Variants in CDH12 observed in about 807,000 individuals in gnomAD.
The protein encoded by CDH12 is cadherin 12, also known as cadherin-12.
Under a neutral mutation model 74.1 loss-of-function variants are expected in CDH12, and 41 were observed. That is an observed-to-expected ratio of 0.55 (90% CI 0.43 to 0.72). The LOEUF is 0.72. Among genes scored for constraint, CDH12 ranks in the 30% least tolerant of loss-of-function variants. The pLI, the probability that CDH12 is intolerant of heterozygous loss-of-function variation, is 0.00. For synonymous variants in CDH12, 399 were observed against 355.0 expected (o/e 1.12, Z -1.39); for missense variants, 945 against 977.2 (o/e 0.97, Z 0.44).
chr5:22,607,729 G>A (rs1056711844), intron 1 of CDH12, among the ~76,000 whole-genome samples: 3 of 152,194 alleles, frequency 2.0e-5, no homozygotes, highest in Non-Finnish European at 2.9e-5. Flanking sequence ...CTTCTGCTGT[G>A]TGCAGCCTCC....
chr5:22,339,018 A>G (rs1454737320), intron 3 of CDH12, among the ~76,000 whole-genome samples: 2 of 152,198 alleles, frequency 1.3e-5, no homozygotes, highest in African/African-American at 4.8e-5. Flanking sequence ...GAGGACTTAG[A>G]GTTCTATAAA....
At chr5:21,956,303 AAG>A (rs1756094064) in intron 6 of CDH12, among the ~76,000 whole-genome samples, 1 of 152,014 alleles carries the variant, frequency 6.6e-6, no homozygotes, top group Admixed American at 6.6e-5. Flanking sequence ...AGGGCACAAA[AAG>A]AAATGAGTAA....
chr5:22,693,169 A>G (rs1742173574), intron 1 of CDH12, among the ~76,000 whole-genome samples: 1 of 152,168 alleles, frequency 6.6e-6, no homozygotes, highest in African/African-American at 2.4e-5. Context: ...TTTTCTTCTC[A>G]GAATTTGCAC....
At position 22,712,499 on chromosome 5, in the gene CDH12, A is replaced by G. The variant is rs1050541596; in HGVS notation, c.-523+140559T>C. Among the ~76,000 whole-genome samples the G allele has an allele frequency of 1.7e-3, 3 of 1,786 alleles. No homozygotes were observed. The South Asian group carries it at 0.3, about 179-fold the overall frequency. The allele number at this position is 1,786 out of a possible 152,430, so 1.2% of individuals were successfully genotyped here. On this transcript the variant is annotated intron_variant, in intron 1 of 14. Transcript: ENST00000382254. ...GAATAGATGTTCCTGGATCATTTCT[A>G]TAGGATAACCTGATGAAACTCTCCA...
chr5:22,807,632 C>T (rs1345497341), intron 1 of CDH12, among the ~76,000 whole-genome samples: 5 of 152,218 alleles, frequency 3.3e-5, no homozygotes, highest in Non-Finnish European at 7.3e-5. Flanking sequence ...CTATGTGTTA[C>T]AGCCTATTGC....
chr5:22,756,259 C>T lies in CDH12; in HGVS notation c.-523+96799G>A, dbSNP rs554317480. Among the ~76,000 whole-genome samples the T allele has an allele frequency of 1.9e-3, 295 of 152,136 alleles. 1 individual carries two copies. The highest frequency in any genetic ancestry group is 6.7e-3 in the African/African-American group (279 of 41,542). ...ATGAGTTACAAAATACTGATTAAAA[C>T]ACTAGTATAGCGGTTGTAACAAATC... On this transcript the variant is annotated intron_variant, in intron 1 of 14. Coordinates refer to ENST00000382254, the MANE Select transcript of CDH12 (RefSeq NM_004061.5).
chr5:22,630,540 G>A (rs571030308), intron 1 of CDH12, among the ~76,000 whole-genome samples: 26 of 152,284 alleles, frequency 1.7e-4, no homozygotes, highest in African/African-American at 6.3e-4. Flanking sequence ...AAGCAACGGT[G>A]AAAGAACTAC....
intron 6 of CDH12, among the ~76,000 whole-genome samples, chr5:21,882,398 A>T (rs556644077): frequency 1.0e-3 from 158 of 152,342 alleles, no homozygotes; most frequent in African/African-American, 3.6e-3. Context: ...TCAGAAAAAA[A>T]CAGGTTATTT....
At chr5:21,938,450 G>A (rs1316584249) in intron 6 of CDH12, among the ~76,000 whole-genome samples, 1 of 147,648 alleles carries the variant, frequency 6.8e-6, no homozygotes, top group African/African-American at 2.5e-5. Flanking sequence ...TTTCTGTTAT[G>A]AGTTATGTAC....
intron 1 of CDH12, among the ~76,000 whole-genome samples, chr5:22,656,225 T>C (rs1246901728): frequency 6.6e-6 from 1 of 152,174 alleles, no homozygotes; most frequent in Non-Finnish European, 1.5e-5. Context: ...TTTACACACA[T>C]GTTCTGCATT....
chr5:22,821,083 C>T lies in CDH12; in HGVS notation c.-523+31975G>A, dbSNP rs371743093. Among the ~76,000 whole-genome samples, 540 of 151,838 alleles carry T rather than the reference C, an allele frequency of 3.6e-3. 2 individuals are homozygous for T. Among genetic ancestry groups the T allele is most frequent in the African/African-American group, 0.012 (489 of 41,380 alleles). ...TGGGATGCAAGGCTGGTTCAACATA[C>T]GCAAATCAATAAATGTAATCCAGCA... is the stretch of plus-strand genomic sequence containing the variant. On this transcript the variant is annotated intron_variant, in intron 1 of 14. Transcript: ENST00000382254.
At chr5:22,024,737 C>T (rs1738237430) in intron 5 of CDH12, among the ~76,000 whole-genome samples, 2 of 152,112 alleles carry the variant, frequency 1.3e-5, no homozygotes, top group Non-Finnish European at 2.9e-5. Context: ...TGGTCTTGAA[C>T]TCCTGACCTC....
chr5:22,200,238 T>A (rs1360780305), intron 4 of CDH12, among the ~76,000 whole-genome samples: 2 of 152,182 alleles, frequency 1.3e-5, no homozygotes, highest in Non-Finnish European at 2.9e-5. Context: ...CTACTGATTA[T>A]CAAGTACAAC....
intron 6 of CDH12, among the ~76,000 whole-genome samples, chr5:21,957,421 G>GTA (rs1756151747): frequency 6.6e-6 from 1 of 152,046 alleles, no homozygotes; most frequent in South Asian, 2.1e-4. Context: ...TTTCTTCTGG[G>GTA]TATATATGCA....
chr5:22,300,706 A>C (rs752392420), intron 3 of CDH12, among the ~76,000 whole-genome samples: 1 of 152,210 alleles, frequency 6.6e-6, no homozygotes, highest in Non-Finnish European at 1.5e-5. Flanking sequence ...TAGGAAACTG[A>C]TTTTTGGATT....
At chr5:22,317,742 CTAA>C (rs1162154787) in intron 3 of CDH12, among the ~76,000 whole-genome samples, 1 of 152,120 alleles carries the variant, frequency 6.6e-6, no homozygotes, top group East Asian at 1.9e-4. Context: ...ATAAATGGCA[CTAA>C]TAATAGCATT....
intron 1 of CDH12, among the ~76,000 whole-genome samples, chr5:22,508,726 T>C (rs1736492940): frequency 6.6e-6 from 1 of 152,150 alleles, no homozygotes; most frequent in Non-Finnish European, 1.5e-5. Context: ...AATGTTTAAA[T>C]TTACCTACAG....
At position 22,506,793 on chromosome 5, in the gene CDH12, T is replaced by G. The variant is rs150542979; in HGVS notation, c.-522-1429A>C. On this transcript the variant is annotated intron_variant, in intron 1 of 14. Coordinates refer to ENST00000382254, the MANE Select transcript of CDH12 (RefSeq NM_004061.5). ...ACATCCATAATTGTCTCTATATCTA[T>G]CAATCTGTATCTATAATTAGATAAC... is the stretch of plus-strand genomic sequence containing the variant. Among the ~76,000 whole-genome samples, 1,245 of 152,286 alleles carry G rather than the reference T, an allele frequency of 8.2e-3. 17 individuals carry two copies. The highest frequency in any genetic ancestry group is 0.029 in the African/African-American group (1,204 of 41,556).
intron 1 of CDH12, among the ~76,000 whole-genome samples, chr5:22,775,863 G>A (rs981358913): frequency 6.6e-6 from 1 of 152,034 alleles, no homozygotes; most frequent in Non-Finnish European, 1.5e-5. Flanking sequence ...CAGGGGGGAG[G>A]TAATTGAATT....
Sources: allele counts gnomAD v4.1 joint callset (sites outside exome capture counted in the v4.1 genomes callset), GRCh38; gene constraint gnomAD v4.1.1; transcripts MANE v1.5; gene names NCBI Gene and HGNC (gene_info 2026-07-23, HGNC 2026-07-21).